PIGR: variants seen among roughly 807,000 people sequenced by gnomAD.
PIGR encodes polymeric immunoglobulin receptor.
In PIGR, 22 loss-of-function variants were observed where a neutral mutation model predicts 69.5. That is an observed-to-expected ratio of 0.32 (90% CI 0.23 to 0.45). The LOEUF is 0.45. Among genes scored for constraint, PIGR ranks in the 20% least tolerant of loss-of-function variants. PIGR has a pLI of 1.00. For missense variants in PIGR, 885 were observed against 974.0 expected, an observed-to-expected ratio of 0.91 and a Z score of 1.22; for synonymous variants, 413 against 407.6, an observed-to-expected ratio of 1.01 and a Z score of -0.16.
At chr1:206,931,864 G>A in intron 8 of PIGR, 62 bp from the exon 9 acceptor site, 1 of 1,598,240 alleles carries the variant, frequency 6.3e-7, no homozygotes, top group Non-Finnish European at 8.6e-7. Context: ...GGCCAGGCTG[G>A]GCTGCTTCTC....
chr1:206,939,839 G>T (rs1402925146), intron 2 of PIGR, among the ~76,000 whole-genome samples: 1 of 152,168 alleles, frequency 6.6e-6, no homozygotes, highest in Admixed American at 6.5e-5. Flanking sequence ...CGATTCTCAT[G>T]CCTCAGCCTC....
chr1:206,931,473 T>A, intron 10 of PIGR, 24 bp downstream of exon 10: 1 of 1,614,056 alleles, frequency 6.2e-7, no homozygotes, highest in Non-Finnish European at 8.5e-7. Flanking sequence ...TGTCATGTAG[T>A]GGGGCTTCCT....
intron 6 of PIGR, 60 bp from the exon 7 acceptor site, chr1:206,933,226 G>A (rs919680811): frequency 1.3e-5 from 20 of 1,547,000 alleles, no homozygotes; most frequent in Middle Eastern, 1.7e-4. Flanking sequence ...ACTCCTCGAG[G>A]TGAAGGAGTC....
rs778891337 is a variant in PIGR, at chr1:206,935,640, C to A, written c.1224G>T (p.Gln408His). 7.4e-6 allele frequency: 12 copies of A among 1,613,916 alleles called. No homozygotes were observed. The highest frequency in any genetic ancestry group is 1.0e-5 in the Non-Finnish European group (12 of 1,179,978). ...LVDSEGWVKA[Q>H]YEGRLSLLEE... ...CCAGCAGGGAGAGGCGGCCCTCGTACTGGGCCTTAACCCACCCCTCGCTGT... is the reference window on the plus strand; with the variant it reads ...CCAGCAGGGAGAGGCGGCCCTCGTAATGGGCCTTAACCCACCCCTCGCTGT... Residue 408 changes from glutamine to histidine, a missense_variant, in exon 5 of 11, where the codon CAG (glutamine) becomes CAT (histidine). Physicochemically the swap from Gln to His is conservative, Grantham distance 24. Transcript: ENST00000356495. This position sits in a 1 kb window ranked among gnomAD's most constrained non-coding sequence, Gnocchi z 4.4.
At chr1:206,931,886 C>G in intron 8 of PIGR, 84 bp from the exon 9 acceptor site, 7 of 1,469,568 alleles carry the variant, frequency 4.8e-6, no homozygotes, top group Non-Finnish European at 6.6e-6. Context: ...CTGGGCGGAT[C>G]CACTGTAGCC....
chr1:206,933,389 C>A (rs1572642641), intron 6 of PIGR, among the ~76,000 whole-genome samples: 1 of 152,148 alleles, frequency 6.6e-6, no homozygotes, highest in Non-Finnish European at 1.5e-5. Flanking sequence ...TAGTGGGGAC[C>A]TTCAAGGCTT....
At chr1:206,943,014 C>A (rs1019846360) in intron 1 of PIGR, among the ~76,000 whole-genome samples, 1 of 152,218 alleles carries the variant, frequency 6.6e-6, no homozygotes, top group Non-Finnish European at 1.5e-5. Flanking sequence ...CTTTCAGAAT[C>A]ATTACAGACC....
rs775270116 is a variant in PIGR, at chr1:206,939,390, C to T, written c.117G>A (p.Thr39=). ...TGACAGAGGTGGGTGGGTAGTAGCACGTGATGGACACTGAGTTACCTTCCA... is the reference window on the plus strand; with the variant it reads ...TGACAGAGGTGGGTGGGTAGTAGCATGTGATGGACACTGAGTTACCTTCCA... The part of the protein sequence containing the change: ...NSVEGNSVSI[T]CYYPPTSVNR... Residue 39 remains threonine (T), a synonymous_variant, in exon 3 of 11, where the codon ACG becomes ACA. Coordinates refer to ENST00000356495, the MANE Select transcript of PIGR (RefSeq NM_002644.4). 27 of 1,614,044 alleles carry T rather than the reference C, an allele frequency of 1.7e-5. No individual in the cohort carries two copies. The highest frequency in any genetic ancestry group is 3.3e-5 in the South Asian group (3 of 91,074).
intron 2 of PIGR, among the ~76,000 whole-genome samples, chr1:206,939,780 G>A (rs1376469071): frequency 6.6e-6 from 1 of 152,178 alleles, no homozygotes; most frequent in East Asian, 1.9e-4. Flanking sequence ...AGGCTGGTGT[G>A]CAGTGGCACG....
At position 206,937,128 on chromosome 1, in the gene PIGR, G is replaced by A. The variant is rs1425395600; in HGVS notation, c.1012C>T (p.Pro338Ser). 7.5e-6 allele frequency: 12 copies of A among 1,609,374 alleles called. No homozygotes were observed. In the African/African-American group the frequency reaches 1.5e-4, roughly 20 times the overall value. The change falls in exon 4 of 11, where the codon CCT (proline) becomes TCT (serine). Residue 338 changes from proline (P) to serine (S), a missense_variant. Transcript: ENST00000356495. Reference protein sequence around the residue: ...HSDGQLQEGSPIQAWQLFVNE... With the variant: ...HSDGQLQEGSSIQAWQLFVNE... ...ACGAAGAGTTGCCAGGCCTGGATAG[G>A]CGAGCCTTCCTGCAGCTGACCATCC... is the stretch of plus-strand genomic sequence containing the variant.
At chr1:206,933,426 G>T (rs1381358798) in intron 6 of PIGR, among the ~76,000 whole-genome samples, 1 of 152,164 alleles carries the variant, frequency 6.6e-6, no homozygotes, top group Non-Finnish European at 1.5e-5. Context: ...TGTGCATAAA[G>T]GCTGACCCAT....
At chr1:206,931,325 G>C (rs1679743249) in intron 10 of PIGR, 172 bp downstream of exon 10, 1 of 1,487,586 alleles carries the variant, frequency 6.7e-7, no homozygotes, top group Non-Finnish European at 8.9e-7. Flanking sequence ...CCCACAACCA[G>C]TAAGATATAG....
chr1:206,937,053 G>A (rs773406930), intron 4 of PIGR, 42 bp downstream of exon 4: 15 of 1,511,492 alleles, frequency 9.9e-6, no homozygotes, highest in Admixed American at 2.1e-5. Context: ...TCTCACCTGC[G>A]AGACTGCCCC....
rs1371763888 is a variant in PIGR, at chr1:206,930,725, G to A, written c.2200-312C>T. ...ACAGTCCACGGGCAAGGTGGCCTAG[G>A]CTGGGGTCAACCACGGTGGTGTATG... On this transcript the variant is annotated intron_variant, in intron 10 of 10. Coordinates refer to ENST00000356495, the MANE Select transcript of PIGR (RefSeq NM_002644.4). The surrounding 1 kb of genome is among the most constrained non-coding windows in gnomAD (Gnocchi z 4.3). 1 of 985,308 alleles carries A rather than the reference G, an allele frequency of 1.0e-6. No individual in the cohort carries two copies. The highest frequency in any genetic ancestry group is 1.2e-6 in the Non-Finnish European group (1 of 829,938). 61.0% of individuals were successfully genotyped at this position (985,308 alleles called of 1,614,324 possible).
chr1:206,944,464 T>C lies in PIGR; in HGVS notation c.-54+1872A>G, dbSNP rs960669633. The stretch of plus-strand genomic sequence containing the variant: ...TTCCAGCCTGGGTGACAGGGCAAGA[T>C]TCCATCTCAAAAAAATAAAAAATTA... On this transcript the variant is annotated intron_variant, in intron 1 of 10. Transcript: ENST00000356495. Among the ~76,000 whole-genome samples the C allele has an allele frequency of 9.2e-5, 14 of 152,084 alleles. No homozygotes were observed. In the Middle Eastern group the frequency reaches 0.01, roughly 112 times the overall value.
rs138575594 is a variant in PIGR at position 206,941,377 on chromosome 1, G to C, written c.-53-793C>G. Among the ~76,000 whole-genome samples the C allele has an allele frequency of 2.5e-3, 388 of 152,272 alleles. 2 individuals are homozygous for C. Among genetic ancestry groups the C allele is most frequent in the Middle Eastern group, 0.024 (7 of 294 alleles). ...ACTGTATCGCACCCCAAATACAAGA[G>C]CATGCTTTTACCTTATGCTTATTTG... On this transcript the variant is annotated intron_variant, in intron 1 of 10. Coordinates refer to ENST00000356495, the MANE Select transcript of PIGR (RefSeq NM_002644.4).
chr1:206,939,102 G>A lies in PIGR; in HGVS notation c.388+17C>T. ...CTCTAACTTTCCCCCAGAAGCCCAAGGAGCTTGGATCCTTACCCTGGCTGA... is the reference window on the plus strand; with the variant it reads ...CTCTAACTTTCCCCCAGAAGCCCAAAGAGCTTGGATCCTTACCCTGGCTGA... On this transcript the variant is annotated intron_variant, in intron 3 of 10. Coordinates refer to ENST00000356495, the MANE Select transcript of PIGR (RefSeq NM_002644.4). 6.3e-7 allele frequency: 1 copy of A among 1,584,622 alleles called. No individual in the cohort carries two copies. The highest frequency in any genetic ancestry group is 8.6e-7 in the Non-Finnish European group (1 of 1,159,364).
At chr1:206,932,342 C>G (rs755059744) in intron 8 of PIGR, 114 bp downstream of exon 8, 5 of 1,264,496 alleles carry the variant, frequency 4.0e-6, no homozygotes, top group Non-Finnish European at 5.4e-6. Flanking sequence ...TCTCGGGATC[C>G]TTTGTTTTAG....
chr1:206,930,558 C>T lies in PIGR; in HGVS notation c.2200-145G>A. 7.5e-7 allele frequency: 1 copy of T among 1,325,674 alleles called. No individual in the cohort carries two copies. Among genetic ancestry groups the T allele is most frequent in the Non-Finnish European group, 9.7e-7 (1 of 1,036,056 alleles). 82.1% of individuals were successfully genotyped at this position (1,325,674 alleles called of 1,614,324 possible). A position where few individuals can be genotyped will look rare whatever the true frequency, so the allele number is the denominator to read the frequency against. On this transcript the variant is annotated intron_variant, in intron 10 of 10. Coordinates refer to ENST00000356495, the MANE Select transcript of PIGR (RefSeq NM_002644.4). This position sits in a 1 kb window ranked among gnomAD's most constrained non-coding sequence, Gnocchi z 4.3. ...GGGGCCCACTGTTCTCATCCCAGCC[C>T]CCATGCTCACCAAGAAGGACGCATT... is the stretch of plus-strand genomic sequence containing the variant.
Sources: gnomAD v4.1 joint callset for allele counts (sites outside exome capture counted in the v4.1 genomes callset) on GRCh38, gnomAD v4.1.1 for gene constraint, Gnocchi (gnomAD v3.1) non-coding constraint, MANE v1.5 for transcripts, NCBI Gene and HGNC (gene_info 2026-07-23, HGNC 2026-07-21) for gene names.